Variants in SCN11A observed in about 807,000 individuals in gnomAD.
SCN11A encodes the protein sodium voltage-gated channel alpha subunit 11.
Under a neutral mutation model 162.2 loss-of-function variants are expected in SCN11A, and 122 were observed. The ratio of observed to expected loss-of-function variants is 0.75; its 90% CI spans 0.65 to 0.87. SCN11A has a LOEUF of 0.87. Ranked by LOEUF, SCN11A falls within the 40% of genes least tolerant of loss-of-function variation. SCN11A has a pLI of 0.00. For missense variants in SCN11A, 2,015 were observed against 2,181.6 expected (o/e 0.92, Z 1.52); for synonymous variants, 758 against 751.5 (o/e 1.01, Z -0.14).
chr3:39,011,985 G>A (rs1280020082), intron 2 of SCN11A, among the ~76,000 whole-genome samples: 2 of 152,110 alleles, frequency 1.3e-5, no homozygotes, highest in African/African-American at 2.4e-5. Flanking sequence ...TTTTAGAAAA[G>A]AAAAATAATA....
intron 16 of SCN11A, among the ~76,000 whole-genome samples, chr3:38,902,921 A>G (rs2065727121): frequency 6.6e-6 from 1 of 152,202 alleles, no homozygotes; most frequent in South Asian, 2.1e-4. Flanking sequence ...CTAAATAAAA[A>G]TACATACACA....
intron 28 of SCN11A, among the ~76,000 whole-genome samples, chr3:38,860,698 T>C (rs1415253073): frequency 6.6e-6 from 1 of 152,144 alleles, no homozygotes; most frequent in Non-Finnish European, 1.5e-5. Context: ...CATCTCTTTA[T>C]GATAAAACCC....
chr3:38,926,487 CTTT>C (rs869220907), intron 8 of SCN11A, among the ~76,000 whole-genome samples: 1 of 144,092 alleles, frequency 6.9e-6, no homozygotes. Flanking sequence ...AAAACCATGT[CTTT>C]TTTTTTTTTT....
Position 38,950,078 on chromosome 3 carries a change from C to CCCCCCCCCCCCCCCCCCCCCG in SCN11A, c.267+17_267+18insCGGGGGGGGGGGGGGGGGGGG, listed in dbSNP as rs1553644472. ...GAACACCCCCACCCCCACCCCCCCC[C>CCCCCCCCCCCCCCCCCCCCCG]CCCGCCCAATGAAGTACCTTATGAT... On this transcript the variant is annotated intron_variant, in intron 5 of 29. Transcript: ENST00000302328. 2 of 139,972 alleles carry CCCCCCCCCCCCCCCCCCCCCG rather than the reference C, an allele frequency of 1.4e-5. No individual in the cohort carries two copies. The highest frequency in any genetic ancestry group is 3.1e-5 in the Non-Finnish European group (2 of 65,382). 8.7% of individuals were successfully genotyped at this position (139,972 alleles called of 1,614,324 possible). A position where few individuals can be genotyped will look rare whatever the true frequency, so the allele number is the denominator to read the frequency against.
Position 38,846,383 on chromosome 3 carries a change from A to G in SCN11A, c.*311T>C, listed in dbSNP as rs1349655834. 1.4e-5 allele frequency: 4 copies of G among 279,094 alleles called. No individual in the cohort carries two copies. Among genetic ancestry groups the G allele is most frequent in the Non-Finnish European group, 2.7e-5 (4 of 146,098 alleles). The allele number at this position is 279,094 out of a possible 1,614,324, so 17.3% of individuals were successfully genotyped here. On this transcript the variant is annotated 3_prime_UTR_variant, in exon 30 of 30. Transcript: ENST00000302328. The stretch of plus-strand genomic sequence containing the variant: ...TGCCTTGGCCTCTCAAAGTGCTGGG[A>G]TTACAGGCATGAGCCACTGCGCCCG...
In SCN11A at chr3:38,857,755, G is replaced by C. The variant is rs185879214; in HGVS notation, c.4056+5440C>G. On this transcript the variant is annotated intron_variant, in intron 28 of 29. Coordinates refer to ENST00000302328, the MANE Select transcript of SCN11A (RefSeq NM_001349253.2). ...TAAGAGCTGTGAGACAAAAGAATTA[G>C]ATAACCTATAAAGGAAAACCTATCA... Among the ~76,000 whole-genome samples, 145 of 152,168 alleles carry C rather than the reference G, an allele frequency of 9.5e-4. 3 individuals are homozygous for C. The highest frequency in any genetic ancestry group is 1.5e-3 in the Non-Finnish European group (104 of 67,954).
Position 38,850,580 on chromosome 3 carries a change from T to C in SCN11A, c.4228A>G (p.Thr1410Ala). The C allele has an allele frequency of 6.2e-7, 1 of 1,613,970 alleles. No individual in the cohort carries two copies. Among genetic ancestry groups the C allele is most frequent in the Non-Finnish European group, 8.5e-7 (1 of 1,179,872 alleles). Residue 1410 changes from threonine (T) to alanine (A), a missense_variant, in exon 29 of 30, where the codon ACG becomes GCG. Physicochemically the swap from Thr to Ala is moderately conservative, Grantham distance 58. Transcript: ENST00000302328. Reference sequence around the variant, plus strand: ...AAGATTTTGATGAGACATTCTAACGTAAAGATGACCACAAAGACCCAGTTG... The same window carrying C: ...AAGATTTTGATGAGACATTCTAACGCAAAGATGACCACAAAGACCCAGTTG... Reference protein sequence around the residue: ...HLNWVFVVIFTLECLIKIFAL... With the variant: ...HLNWVFVVIFALECLIKIFAL...
intron 19 of SCN11A, among the ~76,000 whole-genome samples, chr3:38,891,852 G>A (rs1368868622): frequency 1.3e-5 from 2 of 152,092 alleles, no homozygotes; most frequent in Non-Finnish European, 2.9e-5. Context: ...TCTCAACATT[G>A]TTACTTTGGG....
At chr3:39,040,158 C>G (rs2032011480) in intron 1 of SCN11A, among the ~76,000 whole-genome samples, 2 of 152,196 alleles carry the variant, frequency 1.3e-5, no homozygotes, top group Admixed American at 6.5e-5. Flanking sequence ...TTACCACCAG[C>G]AAAACTACAC....
Position 38,907,980 on chromosome 3 carries a change from C to T in SCN11A, c.1442G>A (p.Gly481Glu), listed in dbSNP as rs13059805. 0.028 allele frequency: 44,271 copies of T among 1,608,770 alleles called. 793 individuals carry two copies. Among genetic ancestry groups the T allele is most frequent in the Admixed American group, 0.062 (3,667 of 58,782 alleles). Residue 481 changes from glycine to glutamate, a missense_variant, in exon 14 of 30, where the codon GGG (glycine) becomes GAG (glutamate). Gly to Glu is a moderately conservative substitution (Grantham distance 98). Transcript: ENST00000302328. ...LRESGKDQPP[G>E]SDSDEDCQKK... Reference sequence around the variant, plus strand: ...TTGGCAATCTTCATCAGAATCTGACCCAGGAGGCTGGTCTTTCCCAGACTC... The same window carrying T: ...TTGGCAATCTTCATCAGAATCTGACTCAGGAGGCTGGTCTTTCCCAGACTC...
rs114140137 is a variant in SCN11A, at chr3:38,969,090, C to T, written c.-279-8667G>A. ...GCTGACTTATTTGTGCAGGAGGGTG[C>T]AGGGAAGAGGTGGTTGGAGGGAGGA... On this transcript the variant is annotated intron_variant, in intron 2 of 29. Transcript: ENST00000302328. Among the ~76,000 whole-genome samples the T allele has an allele frequency of 6.7e-3, 1,017 of 152,044 alleles. 12 individuals carry two copies. Among genetic ancestry groups the T allele is most frequent in the African/African-American group, 0.022 (914 of 41,460 alleles).
In SCN11A at chr3:38,882,429, T is replaced by C. The variant is rs1281343170; in HGVS notation, c.3219+804A>G. 2.6e-5 allele frequency among the ~76,000 whole-genome samples: 4 copies of C among 152,206 alleles called. No individual in the cohort carries two copies. In the South Asian group the frequency reaches 6.2e-4, roughly 24 times the overall value. On this transcript the variant is annotated intron_variant, in intron 22 of 29. Transcript: ENST00000302328. The stretch of plus-strand genomic sequence containing the variant: ...CTCTCATAACAAACTCATAACTTTG[T>C]TATGTCAAACAGTAAGAGAATTTGG...
At chr3:38,925,852 A>G (rs2066131913) in intron 8 of SCN11A, among the ~76,000 whole-genome samples, 1 of 152,234 alleles carries the variant, frequency 6.6e-6, no homozygotes, top group Non-Finnish European at 1.5e-5. Flanking sequence ...GCACTTCACT[A>G]AAGTCTCCTG....
At chr3:38,994,687 G>A (rs2030557593) in intron 2 of SCN11A, among the ~76,000 whole-genome samples, 1 of 152,144 alleles carries the variant, frequency 6.6e-6, no homozygotes, top group Non-Finnish European at 1.5e-5. Flanking sequence ...ATCATGGAGG[G>A]GTTTGTCAAG....
At chr3:38,863,921 T>C (rs755330719) in intron 27 of SCN11A, among the ~76,000 whole-genome samples, 1 of 151,890 alleles carries the variant, frequency 6.6e-6, no homozygotes, top group Non-Finnish European at 1.5e-5. Flanking sequence ...AAGAAAAAAA[T>C]TGGGGGTCTG....
At chr3:38,850,348 G>T in intron 29 of SCN11A, 133 bp downstream of exon 29, 1 of 770,364 alleles carries the variant, frequency 1.3e-6, no homozygotes, top group Non-Finnish European at 2.1e-6. Context: ...TAGTACCCCT[G>T]TCTATTCTTT....
chr3:38,890,906 T>C (rs1473503130), intron 19 of SCN11A, among the ~76,000 whole-genome samples: 1 of 152,168 alleles, frequency 6.6e-6, no homozygotes, highest in South Asian at 2.1e-4. Context: ...TACCATTTAA[T>C]AAAGAAGCTT....
rs1194635054 is a variant in SCN11A at position 38,925,466 on chromosome 3, G to A, written c.661C>T (p.Leu221=). The change falls in exon 9 of 30, where the codon CTG becomes TTG. Residue 221 remains leucine, a synonymous_variant. Coordinates refer to ENST00000302328, the MANE Select transcript of SCN11A (RefSeq NM_001349253.2). ...IPGITIKLLP[L]RTFRVFRALK... is the part of the protein sequence containing the mutation. Reference sequence around the variant, plus strand: ...GCTCTGAACACACGGAAGGTACGCAGGGGCAATAGTTTGATGGTGATTCCT... The same window carrying A: ...GCTCTGAACACACGGAAGGTACGCAAGGGCAATAGTTTGATGGTGATTCCT... The A allele has an allele frequency of 4.3e-6, 7 of 1,613,912 alleles. No individual in the cohort carries two copies. The highest frequency in any genetic ancestry group is 2.7e-5 in the African/African-American group (2 of 75,032).
At chr3:38,881,812 G>C (rs2065314280) in intron 22 of SCN11A, among the ~76,000 whole-genome samples, 2 of 152,148 alleles carry the variant, frequency 1.3e-5, no homozygotes, top group African/African-American at 4.8e-5. Flanking sequence ...TGTGTGTTCA[G>C]CTTTGCTCTG....
Sources: allele counts gnomAD v4.1 joint callset (sites outside exome capture counted in the v4.1 genomes callset), GRCh38; gene constraint gnomAD v4.1.1; transcripts MANE v1.5; gene names NCBI Gene and HGNC (gene_info 2026-07-23, HGNC 2026-07-21).